CCDC91: variants seen among roughly 807,000 people sequenced by gnomAD.
The protein encoded by CCDC91 is coiled-coil domain-containing protein 91.
CCDC91 carries 48 observed loss-of-function variants against 63.2 expected under a neutral mutation model. That is an observed-to-expected ratio of 0.76 (90% confidence interval 0.60 to 0.97). The LOEUF (loss-of-function observed/expected upper bound fraction) is 0.97, where lower values mean the gene tolerates loss of function less well. Ranked by LOEUF, CCDC91 falls within the 50% of genes least tolerant of loss-of-function variation. The probability of loss-of-function intolerance (pLI) is 0.00; values close to 1 mark genes in which losing one functional copy is unlikely to be tolerated. For missense variants in CCDC91, 500 were observed against 494.6 expected, an observed-to-expected ratio of 1.01 and a Z score of -0.10; for synonymous variants, 167 against 165.8, an observed-to-expected ratio of 1.01 and a Z score of -0.06.
At chr12:28,248,678 G>A (rs542129444) in intron 1 of CCDC91, among the ~76,000 whole-genome samples, 107 of 152,240 alleles carry the variant, frequency 7.0e-4, no homozygotes, top group Non-Finnish European at 1.2e-3. Flanking sequence ...GTAATTGGTT[G>A]CAGGCATGAG....
intron 8 of CCDC91, among the ~76,000 whole-genome samples, chr12:28,402,327 TTTCCTC>T (rs1167086911): frequency 6.6e-6 from 1 of 152,154 alleles, no homozygotes; most frequent in South Asian, 2.1e-4. Context: ...GTTTTGTAGT[TTTCCTC>T]TTATAGATCT....
chr12:28,355,460 A>G (rs750062440), intron 6 of CCDC91, among the ~76,000 whole-genome samples: 2 of 152,198 alleles, frequency 1.3e-5, no homozygotes, highest in Admixed American at 6.5e-5. Context: ...CAATGGCAAC[A>G]ATCATGGCAC....
At chr12:28,536,310 T>C (rs903135850) in intron 12 of CCDC91, among the ~76,000 whole-genome samples, 3 of 152,300 alleles carry the variant, frequency 2.0e-5, no homozygotes, top group East Asian at 1.9e-4. Flanking sequence ...ATGCTACCAA[T>C]TGTGGTTTGT....
At chr12:28,462,020 G>A (rs192233267) in intron 11 of CCDC91, among the ~76,000 whole-genome samples, 29 of 151,788 alleles carry the variant, frequency 1.9e-4, no homozygotes, top group African/African-American at 5.1e-4. Context: ...ATCAAGAGAG[G>A]GTGCTGCAAC....
intron 3 of CCDC91, among the ~76,000 whole-genome samples, chr12:28,266,871 G>A (rs1045280148): frequency 1.7e-4 from 25 of 151,180 alleles, no homozygotes; most frequent in African/African-American, 4.9e-4. Context: ...CTAAGTTAGC[G>A]CCCCCCGCCC....
At position 28,529,319 on chromosome 12, in the gene CCDC91, C is replaced by G. The variant is rs76110105; in HGVS notation, c.1216-19744C>G. ...AGCACACAGGTTTGACTTGAGTATACCAGACAGATGTAGCCTAGAGTTTGA... is the reference window on the plus strand; with the variant it reads ...AGCACACAGGTTTGACTTGAGTATAGCAGACAGATGTAGCCTAGAGTTTGA... On this transcript the variant is annotated intron_variant, in intron 12 of 12. Coordinates refer to ENST00000536442, the MANE Select transcript of CCDC91 (RefSeq NM_018318.5). Among the ~76,000 whole-genome samples, 10 of 152,230 alleles carry G rather than the reference C, an allele frequency of 6.6e-5. No individual in the cohort carries two copies. The East Asian group carries it at 1.9e-3, about 29-fold the overall frequency.
intron 11 of CCDC91, among the ~76,000 whole-genome samples, chr12:28,464,208 C>T (rs1345484856): frequency 6.6e-6 from 1 of 152,198 alleles, no homozygotes; most frequent in Non-Finnish European, 1.5e-5. Flanking sequence ...TTCCCCCAAG[C>T]CTTACCACCA....
At chr12:28,339,894 A>G (rs1942288513) in intron 6 of CCDC91, among the ~76,000 whole-genome samples, 1 of 152,218 alleles carries the variant, frequency 6.6e-6, no homozygotes, top group Non-Finnish European at 1.5e-5. Flanking sequence ...TAAAACAAGG[A>G]TAAACACAGT....
chr12:28,386,245 A>T (rs1163796408), intron 7 of CCDC91, among the ~76,000 whole-genome samples: 1 of 152,178 alleles, frequency 6.6e-6, no homozygotes. Flanking sequence ...TCACACAGGG[A>T]TCATTACTTA....
chr12:28,244,891 A>G, intron 1 of CCDC91, among the ~76,000 whole-genome samples: 1 of 151,824 alleles, frequency 6.6e-6, no homozygotes, highest in East Asian at 1.9e-4. Flanking sequence ...AAGAAATAAG[A>G]GTTTACTAAA....
intron 1 of CCDC91, among the ~76,000 whole-genome samples, chr12:28,214,551 C>T (rs1337203369): frequency 1.3e-5 from 2 of 151,604 alleles, no homozygotes; most frequent in African/African-American, 2.4e-5. Flanking sequence ...CTGTAATTGT[C>T]ATGTGTATTT....
At chr12:28,443,255 G>T (rs1460213987) in intron 8 of CCDC91, among the ~76,000 whole-genome samples, 1 of 149,234 alleles carries the variant, frequency 6.7e-6, no homozygotes, top group Non-Finnish European at 1.5e-5. Flanking sequence ...AAAAAAAAGA[G>T]AGTTAAGCAA....
intron 12 of CCDC91, among the ~76,000 whole-genome samples, chr12:28,532,862 A>G (rs1375065302): frequency 6.6e-6 from 1 of 152,112 alleles, no homozygotes; most frequent in Non-Finnish European, 1.5e-5. Flanking sequence ...TCTCTATTTC[A>G]TATGATGTAT....
chr12:28,267,939 TATATAATTATTATATATAATTATA>T (rs1947446423), intron 3 of CCDC91, among the ~76,000 whole-genome samples: 1 of 105,244 alleles, frequency 9.5e-6, no homozygotes, highest in Non-Finnish European at 1.8e-5. Context: ...TATATAATTA[TATATAATTATTATATATAATTATA>T]TATAATTAAT....
chr12:28,193,104 C>T (rs1941409228), intron 1 of CCDC91, among the ~76,000 whole-genome samples: 1 of 152,270 alleles, frequency 6.6e-6, no homozygotes, highest in Middle Eastern at 3.4e-3. Flanking sequence ...AGTAGTATTT[C>T]ATTGTGTGAA....
chr12:28,243,326 G>A (rs1336259454), intron 1 of CCDC91, among the ~76,000 whole-genome samples: 1 of 152,166 alleles, frequency 6.6e-6, no homozygotes, highest in Admixed American at 6.6e-5. Context: ...GAGGAACTGG[G>A]TGGAGGCAGA....
intron 1 of CCDC91, among the ~76,000 whole-genome samples, chr12:28,239,135 A>G (rs911430600): frequency 2.0e-5 from 3 of 148,038 alleles, no homozygotes; most frequent in African/African-American, 7.5e-5. Context: ...AAAAAAAAAA[A>G]TATATGTGGC....
chr12:28,209,803 C>G (rs1270894733), intron 1 of CCDC91, among the ~76,000 whole-genome samples: 1 of 148,032 alleles, frequency 6.8e-6, no homozygotes, highest in South Asian at 2.1e-4. Context: ...ATCCTTTAAC[C>G]CTTTAAACTT....
At chr12:28,522,524 G>T (rs1460327801) in intron 12 of CCDC91, among the ~76,000 whole-genome samples, 2 of 152,040 alleles carry the variant, frequency 1.3e-5, no homozygotes, top group African/African-American at 4.8e-5. Flanking sequence ...CAAAAAACAA[G>T]CTCCTGGATG....
Sources: allele counts gnomAD v4.1 joint callset (sites outside exome capture counted in the v4.1 genomes callset), GRCh38; gene constraint gnomAD v4.1.1; transcripts MANE v1.5; gene names NCBI Gene and HGNC (gene_info 2026-07-23, HGNC 2026-07-21).